The following RUFY3 variants were observed in gnomAD, a reference collection of about 807,000 sequenced individuals.
The protein encoded by RUFY3 is protein RUFY3.
RUFY3 carries 34 observed loss-of-function variants against 84.0 expected under a neutral mutation model. That is an observed-to-expected ratio of 0.40 (90% CI 0.31 to 0.54). The LOEUF is 0.54. RUFY3 is among the 20% of genes least tolerant of loss of function. RUFY3 has a pLI of 0.39. For synonymous variants in RUFY3, 242 were observed against 252.9 expected, an observed-to-expected ratio of 0.96 and a Z score of 0.41; for missense variants, 507 against 736.8, an observed-to-expected ratio of 0.69 and a Z score of 3.61.
intron 1 of RUFY3, among the ~76,000 whole-genome samples, chr4:70,746,698 A>G (rs892440228): frequency 2.0e-5 from 3 of 152,194 alleles, no homozygotes; most frequent in Non-Finnish European, 4.4e-5. Flanking sequence ...TTTCCCAGCA[A>G]AATACTACTC....
At chr4:70,705,671 G>C (rs1293140304) in intron 1 of RUFY3, among the ~76,000 whole-genome samples, 1 of 152,178 alleles carries the variant, frequency 6.6e-6, no homozygotes, top group Non-Finnish European at 1.5e-5. Flanking sequence ...CCGGGTCCCG[G>C]GCTGGGAACC....
At chr4:70,757,086 A>G (rs1724152022) in intron 1 of RUFY3, among the ~76,000 whole-genome samples, 1 of 151,884 alleles carries the variant, frequency 6.6e-6, no homozygotes, top group Non-Finnish European at 1.5e-5. Flanking sequence ...GCTGGGCAAC[A>G]TAGGGAGACC....
intron 5 of RUFY3, among the ~76,000 whole-genome samples, chr4:70,772,575 T>G (rs1560528226): frequency 6.6e-6 from 1 of 152,208 alleles, no homozygotes; most frequent in Non-Finnish European, 1.5e-5. Context: ...CTGTATGAAA[T>G]ACTATGACAA....
chr4:70,804,761 CAAAAAA>C (rs1186156048), intron 17 of RUFY3, among the ~76,000 whole-genome samples: 4 of 76,846 alleles, frequency 5.2e-5, no homozygotes, highest in Admixed American at 1.6e-4. Flanking sequence ...ACTAAAAATA[CAAAAAA>C]AAAAAAAAAA....
chr4:70,755,887 C>G (rs1030671704), intron 1 of RUFY3, among the ~76,000 whole-genome samples: 1 of 151,144 alleles, frequency 6.6e-6, no homozygotes, highest in East Asian at 2.0e-4. Context: ...GGAGGCGGAA[C>G]TTGCAGTGAG....
At chr4:70,750,374 CA>C (rs1722929538) in intron 1 of RUFY3, among the ~76,000 whole-genome samples, 1 of 152,168 alleles carries the variant, frequency 6.6e-6, no homozygotes, top group Admixed American at 6.6e-5. Flanking sequence ...ACAAAATTAA[CA>C]ACAAAGTCTT....
At chr4:70,769,248 C>T (rs1726530269) in intron 5 of RUFY3, among the ~76,000 whole-genome samples, 1 of 152,028 alleles carries the variant, frequency 6.6e-6, no homozygotes, top group South Asian at 2.1e-4. Context: ...ATCACTTAAG[C>T]TTGGGAAGTC....
intron 1 of RUFY3, among the ~76,000 whole-genome samples, chr4:70,708,884 A>T (rs1049269709): frequency 8.5e-5 from 13 of 152,126 alleles, no homozygotes; most frequent in African/African-American, 3.1e-4. Context: ...TCTACAAAAA[A>T]AAAATTTTTT....
At chr4:70,789,430 G>A in intron 11 of RUFY3, 65 bp from the exon 12 acceptor site, 1 of 1,374,856 alleles carries the variant, frequency 7.3e-7, no homozygotes, top group South Asian at 1.3e-5. Context: ...AGATTCAAAA[G>A]GCATGTGTGG....
intron 1 of RUFY3, among the ~76,000 whole-genome samples, chr4:70,738,873 A>G (rs924171628): frequency 1.3e-5 from 2 of 151,866 alleles, no homozygotes; most frequent in African/African-American, 4.8e-5. Flanking sequence ...CCTGGCCTCA[A>G]GAGATCCTCC....
intron 1 of RUFY3, chr4:70,705,400 C>G (rs1387952930): frequency 1.3e-6 from 1 of 779,828 alleles, no homozygotes; most frequent in Non-Finnish European, 1.8e-6. Flanking sequence ...GTGACCCGAG[C>G]CGGGTGGCCG....
chr4:70,726,619 G>A (rs527880928), intron 1 of RUFY3, among the ~76,000 whole-genome samples: 2 of 152,292 alleles, frequency 1.3e-5, no homozygotes, highest in South Asian at 4.1e-4. Flanking sequence ...GTGATCGCCC[G>A]CCTCAGCTTC....
intron 12 of RUFY3, among the ~76,000 whole-genome samples, chr4:70,790,269 A>G (rs1282040607): frequency 1.3e-5 from 2 of 152,078 alleles, no homozygotes; most frequent in Non-Finnish European, 2.9e-5. Context: ...TGAAACCACC[A>G]TTTTCTCTCT....
intron 6 of RUFY3, among the ~76,000 whole-genome samples, chr4:70,774,670 T>TAAAA (rs1553916830): frequency 2.2e-4 from 18 of 81,058 alleles, no homozygotes; most frequent in African/African-American, 8.9e-4. Flanking sequence ...TATATATATA[T>TAAAA]AAAATAAACA....
chr4:70,801,441 G>C (rs1283802042), intron 15 of RUFY3, among the ~76,000 whole-genome samples: 2 of 152,176 alleles, frequency 1.3e-5, no homozygotes, highest in Non-Finnish European at 2.9e-5. Context: ...AGAGGCCAGG[G>C]ATGGGGCAGG....
At chr4:70,773,648 A>C in intron 6 of RUFY3, 76 bp downstream of exon 6, 1 of 954,256 alleles carries the variant, frequency 1.0e-6, no homozygotes, top group African/African-American at 1.6e-5. Flanking sequence ...TAAAGTTTAC[A>C]ACAATACTGT....
chr4:70,785,426 A>G (rs974436173), intron 10 of RUFY3, among the ~76,000 whole-genome samples: 6 of 152,170 alleles, frequency 3.9e-5, no homozygotes, highest in South Asian at 2.1e-4. Flanking sequence ...AACTATCAAA[A>G]AATTGAAGGA....
At chr4:70,799,316 G>A (rs1731943331) in intron 14 of RUFY3, 1 of 152,436 alleles carries the variant, frequency 6.6e-6, no homozygotes, top group African/African-American at 2.4e-5. Flanking sequence ...GAGACGGGTG[G>A]ATAATTTGAG....
In RUFY3 at chr4:70,765,166, C is replaced by T. The variant is rs533807947; in HGVS notation, c.572+590C>T. Reference sequence around the variant, plus strand: ...GCGTGCCACCACTCTTCAGCCCGGGCGACAGAGTGAGACTCTGTCTCAAAA... The same window carrying T: ...GCGTGCCACCACTCTTCAGCCCGGGTGACAGAGTGAGACTCTGTCTCAAAA... On this transcript the variant is annotated intron_variant, in intron 4 of 17. Coordinates refer to ENST00000381006, the MANE Select transcript of RUFY3 (RefSeq NM_001037442.4). Among the ~76,000 whole-genome samples the T allele has an allele frequency of 1.1e-4, 14 of 129,282 alleles. No homozygotes were observed. The East Asian group carries it at 1.9e-3, about 18-fold the overall frequency. The allele number at this position is 129,282 out of a possible 152,430, so 84.8% of individuals were successfully genotyped here.
Sources: gnomAD v4.1 joint callset for allele counts (sites outside exome capture counted in the v4.1 genomes callset) on GRCh38, gnomAD v4.1.1 for gene constraint, MANE v1.5 for transcripts, NCBI Gene and HGNC (gene_info 2026-07-23, HGNC 2026-07-21) for gene names.